The following KLK10 variants were observed in gnomAD, a reference collection of about 807,000 sequenced individuals.
KLK10 encodes the protein kallikrein related peptidase 10.
In KLK10, 27 loss-of-function variants were observed where a neutral mutation model predicts 25.7. The ratio of observed to expected loss-of-function variants is 1.05; its 90% confidence interval spans 0.77 to 1.45. The LOEUF is 1.45. Ranked by LOEUF, KLK10 falls within the 40% of genes most tolerant of loss-of-function variation. The pLI, the probability that KLK10 is intolerant of heterozygous loss-of-function variation, is 0.00. For synonymous variants in KLK10, 173 were observed against 160.1 expected, an observed-to-expected ratio of 1.08 and a Z score of -0.61; for missense variants, 386 against 370.0, an observed-to-expected ratio of 1.04 and a Z score of -0.35.
intron 3 of KLK10, among the ~76,000 whole-genome samples, chr19:51,016,511 A>G (rs2091330341): frequency 6.6e-6 from 1 of 150,674 alleles, no homozygotes. Flanking sequence ...CTCCTGCCTC[A>G]GCCTCCTTCC....
rs951276149 is a variant in KLK10 at position 51,013,590 on chromosome 19, A to G, written c.*1210T>C. ...TAGGTGCCTGCCACCATGCCTGGCTAGTTTTTGTATTTTCAGTAGAGATGG... is the reference window on the plus strand; with the variant it reads ...TAGGTGCCTGCCACCATGCCTGGCTGGTTTTTGTATTTTCAGTAGAGATGG... On this transcript the variant is annotated 3_prime_UTR_variant, in exon 6 of 6. Coordinates refer to ENST00000358789, the MANE Select transcript of KLK10 (RefSeq NM_145888.3). 2 of 153,276 alleles carry G rather than the reference A, an allele frequency of 1.3e-5. No individual in the cohort carries two copies. Among genetic ancestry groups the G allele is most frequent in the Non-Finnish European group, 2.9e-5 (2 of 68,032 alleles). 9.5% of individuals were successfully genotyped at this position (153,276 alleles called of 1,614,324 possible).
In KLK10 at chr19:51,013,940, A is replaced by G. The variant is rs928009113; in HGVS notation, c.*860T>C. The G allele has an allele frequency of 2.0e-5, 3 of 153,332 alleles. No individual in the cohort carries two copies. The highest frequency in any genetic ancestry group is 7.2e-5 in the African/African-American group (3 of 41,428). 9.5% of individuals were successfully genotyped at this position (153,332 alleles called of 1,614,324 possible). A position where few individuals can be genotyped will look rare whatever the true frequency, so the allele number is the denominator to read the frequency against. On this transcript the variant is annotated 3_prime_UTR_variant, in exon 6 of 6. Transcript: ENST00000358789. ...CAGTTGAGGTGGCAAGGGTTTCCCA[A>G]TCTTCACTACCCCCTCGGCCCTCTG...
In KLK10 at chr19:51,012,926, C is replaced by T. The variant is rs2091283787; in HGVS notation, c.*1874G>A. ...ATGTAAGACTGGCCTGTCTCCCTGA[C>T]CTAACTAGCAGCTCCTTGAGGGTAG... On this transcript the variant is annotated 3_prime_UTR_variant, in exon 6 of 6. Coordinates refer to ENST00000358789, the MANE Select transcript of KLK10 (RefSeq NM_145888.3). 1.3e-5 allele frequency: 2 copies of T among 152,178 alleles called. No individual in the cohort carries two copies. Among genetic ancestry groups the T allele is most frequent in the Non-Finnish European group, 2.9e-5 (2 of 68,040 alleles). The allele number at this position is 152,178 out of a possible 1,614,324, so 9.4% of individuals were successfully genotyped here. A position where few individuals can be genotyped will look rare whatever the true frequency, so the allele number is the denominator to read the frequency against.
At chr19:51,018,326 A>C (rs1437534760) in intron 2 of KLK10, 2 of 151,868 alleles carry the variant, frequency 1.3e-5, no homozygotes, top group African/African-American at 4.8e-5. Flanking sequence ...AAGAAAGAAA[A>C]GAAAGAAAGA....
intron 3 of KLK10, 150 bp from the exon 4 acceptor site, chr19:51,016,306 T>C: frequency 1.1e-4 from 93 of 835,624 alleles, no homozygotes; most frequent in Non-Finnish European, 1.6e-4. Context: ...GGAGGAGGAA[T>C]CAGTTGTTTG....
Position 51,013,865 on chromosome 19 carries a change from C to G in KLK10, c.*935G>C, listed in dbSNP as rs1316886615. ...CACAGCCAATTAATAACAGACAAAC[C>G]AAAGATTTTCCCCTAAATGTCAGAG... is the stretch of plus-strand genomic sequence containing the variant. On this transcript the variant is annotated 3_prime_UTR_variant, in exon 6 of 6. Coordinates refer to ENST00000358789, the MANE Select transcript of KLK10 (RefSeq NM_145888.3). 2.0e-5 allele frequency: 3 copies of G among 153,614 alleles called. No homozygotes were observed. The allele number at this position is 153,614 out of a possible 1,614,324, so 9.5% of individuals were successfully genotyped here.
rs546746936 is a variant in KLK10, at chr19:51,015,447, A to G, written c.648T>C (p.Ala216=). 26 of 1,613,766 alleles carry G rather than the reference A, an allele frequency of 1.6e-5. No individual in the cohort carries two copies. Among genetic ancestry groups the G allele is most frequent in the Middle Eastern group, 3.3e-4 (2 of 6,058 alleles). The change falls in exon 5 of 6, where the codon GCT becomes GCC. Residue 216 remains alanine (A), a synonymous_variant. Transcript: ENST00000358789. ...PGVVTNNMIC[A]GLDRGQDPCQ... is the part of the protein sequence containing the mutation. ...AAGGGTCCTGGCCCCGGTCCAGTCC[A>G]GCACATATCATGTTGTTGGTGACCA...
chr19:51,015,690 C>T (rs1600137829), intron 4 of KLK10, 140 bp from the exon 5 acceptor site: 1 of 1,145,352 alleles, frequency 8.7e-7, no homozygotes, highest in Non-Finnish European at 1.2e-6. Flanking sequence ...CAGCCCCTCC[C>T]CACTTAGACC....
Position 51,014,489 on chromosome 19 carries a change from G to T in KLK10, c.*311C>A, listed in dbSNP as rs2091297041. The T allele has an allele frequency of 8.3e-6, 2 of 240,780 alleles. No individual in the cohort carries two copies. Among genetic ancestry groups the T allele is most frequent in the East Asian group, 1.9e-4 (2 of 10,274 alleles). The allele number at this position is 240,780 out of a possible 1,614,324, so 14.9% of individuals were successfully genotyped here. ...AGTCACACAGCAGGGAGTGGCAGAG[G>T]AAGTCAGGTTGGGTGACCCCAGTAA... is the stretch of plus-strand genomic sequence containing the variant. On this transcript the variant is annotated 3_prime_UTR_variant, in exon 6 of 6. Transcript: ENST00000358789.
chr19:51,019,694 C>G lies in KLK10; in HGVS notation c.-77G>C, dbSNP rs1445918520. The G allele has an allele frequency of 1.3e-5, 2 of 152,502 alleles. No homozygotes were observed. Among genetic ancestry groups the G allele is most frequent in the Non-Finnish European group, 2.9e-5 (2 of 68,320 alleles). The allele number at this position is 152,502 out of a possible 1,614,324, so 9.4% of individuals were successfully genotyped here. Reference sequence around the variant, plus strand: ...CCTCTGCCCTGCCTGTGGTCTGCCGCTGGTATCCTCTGCCCAGGGACCCCT... The same window carrying G: ...CCTCTGCCCTGCCTGTGGTCTGCCGGTGGTATCCTCTGCCCAGGGACCCCT... On this transcript the variant is annotated 5_prime_UTR_variant, in exon 1 of 6. Coordinates refer to ENST00000358789, the MANE Select transcript of KLK10 (RefSeq NM_145888.3). This position sits in a 1 kb window ranked among gnomAD's most constrained non-coding sequence, Gnocchi z 4.2.
intron 2 of KLK10, 96 bp downstream of exon 2, chr19:51,018,947 G>T (rs539547225): frequency 6.5e-6 from 6 of 927,704 alleles, no homozygotes; most frequent in Admixed American, 2.0e-5. Flanking sequence ...GGTCTCGGGG[G>T]AGGAGAGGTG....
At chr19:51,015,704 G>A in intron 4 of KLK10, 154 bp from the exon 5 acceptor site, 8 of 1,092,702 alleles carry the variant, frequency 7.3e-6, no homozygotes, top group Non-Finnish European at 1.0e-5. Context: ...TTAGACCCAG[G>A]AGTCCAGGCC....
At chr19:51,015,595 C>T (rs780449926) in intron 4 of KLK10, 45 bp from the exon 5 acceptor site, 6 of 1,594,526 alleles carry the variant, frequency 3.8e-6, no homozygotes, top group Non-Finnish European at 5.2e-6. Context: ...AGCCCCCAAT[C>T]CTTGGGGAGC....
chr19:51,015,392 G>A (rs2083214467), intron 5 of KLK10, 25 bp downstream of exon 5: 2 of 1,605,226 alleles, frequency 1.2e-6, no homozygotes, highest in Non-Finnish European at 1.7e-6. Context: ...CCAGGAGTCA[G>A]AGACTCTCCC....
chr19:51,015,903 C>T lies in KLK10; in HGVS notation c.523G>A (p.Gly175Ser), dbSNP rs764724975. The T allele has an allele frequency of 1.9e-6, 3 of 1,569,946 alleles. No homozygotes were observed. Among genetic ancestry groups the T allele is most frequent in the East Asian group, 2.3e-5 (1 of 43,826 alleles). ...PGDQCQVAGW[G>S]TTAARRVKYN... Reference sequence around the variant, plus strand: ...TTGCCTCTCCGGGCGGCCGTGGTGCCCCAGCCAGCAACCTGGCACTGGTCT... The same window carrying T: ...TTGCCTCTCCGGGCGGCCGTGGTGCTCCAGCCAGCAACCTGGCACTGGTCT... Residue 175 changes from glycine to serine, a missense_variant, in exon 4 of 6, where the codon GGC becomes AGC. Physicochemically the swap from Gly to Ser is moderately conservative, Grantham distance 56. Coordinates refer to ENST00000358789, the MANE Select transcript of KLK10 (RefSeq NM_145888.3).
chr19:51,017,605 TG>T (rs1296499161), intron 2 of KLK10, among the ~76,000 whole-genome samples: 1 of 147,650 alleles, frequency 6.8e-6, no homozygotes, highest in Non-Finnish European at 1.5e-5. Flanking sequence ...GGGCGGGGAT[TG>T]AACGCGGCGG....
In KLK10 at chr19:51,016,287, T is replaced by C; in HGVS notation, c.270-131A>G. On this transcript the variant is annotated intron_variant, in intron 3 of 5. Coordinates refer to ENST00000358789, the MANE Select transcript of KLK10 (RefSeq NM_145888.3). ...GCCTTGTGGGAGAAGGGGACCTCAGTGGACATGGGGAGGAGGAATCAGTTG... is the reference window on the plus strand; with the variant it reads ...GCCTTGTGGGAGAAGGGGACCTCAGCGGACATGGGGAGGAGGAATCAGTTG... 2.0e-6 allele frequency: 2 copies of C among 1,022,104 alleles called. 1 individual carries two copies. Among genetic ancestry groups the C allele is most frequent in the South Asian group, 3.7e-5 (2 of 54,792 alleles). The allele number at this position is 1,022,104 out of a possible 1,614,324, so 63.3% of individuals were successfully genotyped here. A position where few individuals can be genotyped will look rare whatever the true frequency, so the allele number is the denominator to read the frequency against.
chr19:51,016,299 G>A, intron 3 of KLK10, 143 bp from the exon 4 acceptor site: 1 of 937,342 alleles, frequency 1.1e-6, no homozygotes, highest in Non-Finnish European at 1.5e-6. Flanking sequence ...GACATGGGGA[G>A]GAGGAATCAG....
In KLK10 at chr19:51,015,074, G is replaced by A. The variant is rs142914822; in HGVS notation, c.679-122C>T. The A allele has an allele frequency of 1.6e-3, 1,406 of 856,854 alleles. 4 individuals are homozygous for A. The highest frequency in any genetic ancestry group is 2.3e-3 in the Admixed American group (94 of 40,466). The allele number at this position is 856,854 out of a possible 1,614,324, so 53.1% of individuals were successfully genotyped here. A position where few individuals can be genotyped will look rare whatever the true frequency, so the allele number is the denominator to read the frequency against. On this transcript the variant is annotated intron_variant, in intron 5 of 5. Transcript: ENST00000358789. Reference sequence around the variant, plus strand: ...TGGGATAAAGACGAGGATGGGATGGGGTTGGAATTAGGTATGAGCTGGAAG... The same window carrying A: ...TGGGATAAAGACGAGGATGGGATGGAGTTGGAATTAGGTATGAGCTGGAAG...
Sources: gnomAD v4.1 joint callset for allele counts (sites outside exome capture counted in the v4.1 genomes callset) on GRCh38, gnomAD v4.1.1 for gene constraint, Gnocchi (gnomAD v3.1) non-coding constraint, MANE v1.5 for transcripts, NCBI Gene and HGNC (gene_info 2026-07-23, HGNC 2026-07-21) for gene names.